The following SPATS2 variants were observed in gnomAD, a reference collection of about 807,000 sequenced individuals.
SPATS2 encodes spermatogenesis-associated serine-rich protein 2.
Under a neutral mutation model 63.7 loss-of-function variants are expected in SPATS2, and 38 were observed. The observed-to-expected ratio is 0.60, with a 90% CI of 0.46 to 0.78. The LOEUF is 0.78. Among genes scored for constraint, SPATS2 ranks in the 30% least tolerant of loss-of-function variants. The probability of loss-of-function intolerance (pLI) is 0.00; values close to 1 mark genes in which losing one functional copy is unlikely to be tolerated. For missense variants in SPATS2, 588 were observed against 666.2 expected (o/e 0.88, Z 1.29); for synonymous variants, 207 against 232.9 (o/e 0.89, Z 1.01).
intron 2 of SPATS2, among the ~76,000 whole-genome samples, chr12:49,434,967 A>G: frequency 6.6e-6 from 1 of 151,228 alleles, no homozygotes; most frequent in East Asian, 1.9e-4. Flanking sequence ...TTTAATTAAT[A>G]TAATATAGTA....
intron 9 of SPATS2, among the ~76,000 whole-genome samples, chr12:49,505,821 A>G (rs186242223): frequency 1.3e-5 from 2 of 152,362 alleles, no homozygotes; most frequent in African/African-American, 2.4e-5. Context: ...TTATTAACCT[A>G]TGATTTTCAT....
At chr12:49,480,158 T>G (rs899114925) in intron 3 of SPATS2, among the ~76,000 whole-genome samples, 3 of 152,238 alleles carry the variant, frequency 2.0e-5, no homozygotes, top group Non-Finnish European at 4.4e-5. Flanking sequence ...ATGAGAATCC[T>G]TAGACTTACT....
At chr12:49,414,870 A>AT (rs1355396390) in intron 2 of SPATS2, among the ~76,000 whole-genome samples, 1 of 149,264 alleles carries the variant, frequency 6.7e-6, no homozygotes, top group Non-Finnish European at 1.5e-5. Flanking sequence ...AAGTGCTGGG[A>AT]TTTTAGGCAT....
chr12:49,421,946 C>T (rs1944991507), intron 2 of SPATS2, among the ~76,000 whole-genome samples: 1 of 152,166 alleles, frequency 6.6e-6, no homozygotes, highest in Non-Finnish European at 1.5e-5. Context: ...TAAAACTCTT[C>T]TGCCCTATAT....
At chr12:49,514,519 G>A in intron 9 of SPATS2, 36 bp from the exon 10 acceptor site, 6 of 1,600,010 alleles carry the variant, frequency 3.7e-6, no homozygotes, top group Non-Finnish European at 5.1e-6. Context: ...TTGAGTTTCT[G>A]ATCAAACTTT....
At chr12:49,385,133 A>G (rs927720034) in intron 2 of SPATS2, among the ~76,000 whole-genome samples, 6 of 152,070 alleles carry the variant, frequency 3.9e-5, no homozygotes, top group Non-Finnish European at 7.4e-5. Flanking sequence ...ATAAAGTTTT[A>G]CTTAGTGCCT....
intron 2 of SPATS2, among the ~76,000 whole-genome samples, chr12:49,460,037 G>A (rs1945794342): frequency 6.6e-6 from 1 of 151,764 alleles, no homozygotes; most frequent in Non-Finnish European, 1.5e-5. Context: ...GAACCTGGGA[G>A]GCGGAGTTTG....
intron 2 of SPATS2, among the ~76,000 whole-genome samples, chr12:49,398,530 C>A (rs1057237872): frequency 1.3e-5 from 2 of 152,216 alleles, no homozygotes; most frequent in Admixed American, 6.5e-5. Context: ...AAGGGAAGAA[C>A]GCATATCACT....
At position 49,506,747 on chromosome 12, in the gene SPATS2, C is replaced by T. The variant is rs1301399380; in HGVS notation, c.839+6542C>T. On this transcript the variant is annotated intron_variant, in intron 9 of 13. Transcript: ENST00000552918. Reference sequence around the variant, plus strand: ...CCATAGTCCAGCTACTCAAGAGGATCGCTTGAACCCAGGAAGTGGAGGCTG... The same window carrying T: ...CCATAGTCCAGCTACTCAAGAGGATTGCTTGAACCCAGGAAGTGGAGGCTG... Among the ~76,000 whole-genome samples the T allele has an allele frequency of 3.3e-5, 5 of 151,800 alleles. No individual in the cohort carries two copies. In the East Asian group the frequency reaches 7.7e-4, roughly 23 times the overall value.
intron 2 of SPATS2, among the ~76,000 whole-genome samples, chr12:49,453,039 G>A (rs1469221037): frequency 2.0e-5 from 3 of 151,716 alleles, no homozygotes; most frequent in Non-Finnish European, 4.4e-5. Flanking sequence ...GGCGCCTGTA[G>A]TCCCAGCTAC....
intron 2 of SPATS2, among the ~76,000 whole-genome samples, chr12:49,408,220 G>A (rs1467670306): frequency 1.3e-5 from 2 of 151,680 alleles, no homozygotes; most frequent in East Asian, 3.9e-4. Flanking sequence ...CTTTTCGAAG[G>A]CCACACCTAA....
intron 3 of SPATS2, among the ~76,000 whole-genome samples, chr12:49,475,076 A>G (rs966731747): frequency 4.6e-5 from 7 of 152,190 alleles, no homozygotes; most frequent in Non-Finnish European, 1.0e-4. Context: ...CCCACAACAC[A>G]TGGGAATTAT....
chr12:49,483,279 ACTG>A (rs1341906623), intron 3 of SPATS2, among the ~76,000 whole-genome samples: 4 of 151,552 alleles, frequency 2.6e-5, no homozygotes, highest in African/African-American at 9.7e-5. Flanking sequence ...TATCATTCCC[ACTG>A]CTCATTAATA....
chr12:49,405,808 A>G (rs567655983), intron 2 of SPATS2, among the ~76,000 whole-genome samples: 4 of 152,352 alleles, frequency 2.6e-5, no homozygotes, highest in East Asian at 1.9e-4. Context: ...TGTTTATTAG[A>G]CGACTTTCGT....
At position 49,522,724 on chromosome 12, in the gene SPATS2, G is replaced by C. The variant is rs751719592; in HGVS notation, c.1009-27G>C. On this transcript the variant is annotated intron_variant, in intron 11 of 13. Coordinates refer to ENST00000552918, the MANE Select transcript of SPATS2 (RefSeq NM_023071.4). ...TCCATGGATGTTGTTTGTCTAACCT[G>C]GAGGCCTTTCTTTGTCCTTTCTCCA... The C allele has an allele frequency of 5.7e-6, 9 of 1,579,532 alleles. No individual in the cohort carries two copies. The Admixed American group carries it at 1.5e-4, about 27-fold the overall frequency.
chr12:49,372,636 T>G (rs1189604739), intron 2 of SPATS2, among the ~76,000 whole-genome samples: 1 of 152,154 alleles, frequency 6.6e-6, no homozygotes, highest in Non-Finnish European at 1.5e-5. Flanking sequence ...TGATTGAAAT[T>G]TAGGGTACTT....
chr12:49,387,805 C>T (rs1246963511), intron 2 of SPATS2, among the ~76,000 whole-genome samples: 1 of 151,916 alleles, frequency 6.6e-6, no homozygotes, highest in Non-Finnish European at 1.5e-5. Flanking sequence ...GGGGAGGGAG[C>T]AGGGGCGTTC....
At chr12:49,498,145 A>AAAAAAAATATAT (rs66900382) in intron 8 of SPATS2, among the ~76,000 whole-genome samples, 14 of 98,958 alleles carry the variant, frequency 1.4e-4, no homozygotes, top group Non-Finnish European at 2.1e-4. Context: ...AAAAAAAAAA[A>AAAAAAAATATAT]ATATATATAT....
chr12:49,403,642 A>ACAT (rs1555180281), intron 2 of SPATS2, among the ~76,000 whole-genome samples: 1 of 117,992 alleles, frequency 8.5e-6, no homozygotes, highest in Non-Finnish European at 1.9e-5. Flanking sequence ...CACACACACA[A>ACAT]ACAAAACTGG....
Sources: allele counts gnomAD v4.1 joint callset (sites outside exome capture counted in the v4.1 genomes callset), GRCh38; gene constraint gnomAD v4.1.1; transcripts MANE v1.5; gene names NCBI Gene and HGNC (gene_info 2026-07-23, HGNC 2026-07-21).